TRPM3: variants seen among roughly 807,000 people sequenced by gnomAD.
TRPM3 encodes the protein transient receptor potential cation channel subfamily M member 3, also known as long transient receptor potential channel 3.
A neutral mutation model predicts 181.2 loss-of-function variants in TRPM3; 77 were observed. The ratio of observed to expected loss-of-function variants is 0.42; its 90% CI spans 0.35 to 0.51. The LOEUF is 0.51. Ranked by LOEUF, TRPM3 falls within the 20% of genes least tolerant of loss-of-function variation. The pLI is 0.01. For synonymous variants in TRPM3, 745 were observed against 796.4 expected (o/e 0.94, Z 1.09); for missense variants, 1,759 against 2,196.7 (o/e 0.80, Z 3.98).
At chr9:71,251,395 C>T (rs2082334129) in intron 1 of TRPM3, among the ~76,000 whole-genome samples, 2 of 152,118 alleles carry the variant, frequency 1.3e-5, no homozygotes, top group African/African-American at 4.8e-5. Flanking sequence ...AGACTAAATG[C>T]TTATATCTTC....
At chr9:70,799,497 A>G (rs2088252514) in intron 6 of TRPM3, among the ~76,000 whole-genome samples, 1 of 152,216 alleles carries the variant, frequency 6.6e-6, no homozygotes, top group Admixed American at 6.5e-5. Flanking sequence ...AATATGGGTG[A>G]CAACACTGTG....
At chr9:71,167,828 T>C (rs2076613140) in intron 1 of TRPM3, among the ~76,000 whole-genome samples, 1 of 152,214 alleles carries the variant, frequency 6.6e-6, no homozygotes, top group Non-Finnish European at 1.5e-5. Flanking sequence ...GCATTCTAGT[T>C]GCATTCTACA....
chr9:70,590,999 C>A, intron 22 of TRPM3, 32 bp downstream of exon 22: 1 of 1,613,942 alleles, frequency 6.2e-7, no homozygotes, highest in Non-Finnish European at 8.5e-7. Flanking sequence ...AAATACCTGA[C>A]TTTGGTGTAT....
At chr9:70,655,858 GGT>G (rs76451095) in intron 9 of TRPM3, among the ~76,000 whole-genome samples, 22,852 of 151,942 alleles carry the variant, frequency 0.15, 2,247 homozygotes, top group East Asian at 0.39. Context: ...GAAAGTCTAA[GGT>G]AGGAAAAAAA....
chr9:70,553,482 A>C (rs1189035059), intron 22 of TRPM3, among the ~76,000 whole-genome samples, 172 bp from the exon 23 acceptor site: 1 of 152,180 alleles, frequency 6.6e-6, no homozygotes, highest in Non-Finnish European at 1.5e-5. Context: ...TGAATATCTC[A>C]AGGGGCTGCT....
intron 1 of TRPM3, among the ~76,000 whole-genome samples, chr9:71,356,759 T>C (rs1165940787): frequency 6.6e-6 from 1 of 152,138 alleles, no homozygotes; most frequent in African/African-American, 2.4e-5. Context: ...TTCTGTTTAT[T>C]ATGCATATCC....
intron 1 of TRPM3, among the ~76,000 whole-genome samples, chr9:70,892,592 A>C (rs2096223527): frequency 6.8e-6 from 1 of 146,392 alleles, no homozygotes; most frequent in Non-Finnish European, 1.5e-5. Flanking sequence ...TCAAGTTTCA[A>C]ATTTACCCGT....
At chr9:71,419,267 T>C (rs2093689687) in intron 1 of TRPM3, among the ~76,000 whole-genome samples, 3 of 151,834 alleles carry the variant, frequency 2.0e-5, no homozygotes, top group Admixed American at 1.3e-4. Context: ...AATATTTGTT[T>C]ATTCTGAAAG....
chr9:70,942,616 A>G (rs2096896763), intron 1 of TRPM3, among the ~76,000 whole-genome samples: 3 of 152,182 alleles, frequency 2.0e-5, no homozygotes. Context: ...CCTATGTAGC[A>G]TATGCTTTCC....
At chr9:71,283,848 C>T (rs1321384976) in intron 1 of TRPM3, among the ~76,000 whole-genome samples, 1 of 152,230 alleles carries the variant, frequency 6.6e-6, no homozygotes, top group African/African-American at 2.4e-5. Flanking sequence ...ATCTAATATA[C>T]CAACATCTAT....
chr9:70,902,002 A>C (rs906218023), intron 1 of TRPM3, among the ~76,000 whole-genome samples: 3 of 152,232 alleles, frequency 2.0e-5, no homozygotes, highest in Non-Finnish European at 4.4e-5. Context: ...CTGTGGCCAC[A>C]CAAGGCAAGC....
chr9:70,751,182 T>C (rs1297545187), intron 8 of TRPM3, among the ~76,000 whole-genome samples: 1 of 151,920 alleles, frequency 6.6e-6, no homozygotes, highest in Non-Finnish European at 1.5e-5. Context: ...AAGAAACTCA[T>C]CTAACATATA....
chr9:70,915,943 A>G (rs2096589941), intron 1 of TRPM3, among the ~76,000 whole-genome samples: 1 of 142,328 alleles, frequency 7.0e-6, no homozygotes, highest in Non-Finnish European at 1.6e-5. Flanking sequence ...AAGGCATTTA[A>G]TAATCAAACT....
At chr9:71,280,957 CAG>C (rs747621221) in intron 1 of TRPM3, among the ~76,000 whole-genome samples, 8 of 152,288 alleles carry the variant, frequency 5.3e-5, no homozygotes, top group Admixed American at 4.6e-4. Flanking sequence ...CTTGACTGTT[CAG>C]ATGTTTTTTG....
In TRPM3 at chr9:70,532,570, C is replaced by T. The variant is rs1335384577; in HGVS notation, c.*3383G>A. 1 of 152,140 alleles carries T rather than the reference C, an allele frequency of 6.6e-6. No homozygotes were observed. The highest frequency in any genetic ancestry group is 2.4e-5 in the African/African-American group (1 of 41,396). The allele number at this position is 152,140 out of a possible 1,614,324, so 9.4% of individuals were successfully genotyped here. The stretch of plus-strand genomic sequence containing the variant: ...CATTCAAATCTATCAAGGAGGGGCC[C>T]TCTAACTATAAATATAAAGTATATT... On this transcript the variant is annotated 3_prime_UTR_variant, in exon 26 of 26. Coordinates refer to ENST00000677713, the MANE Select transcript of TRPM3 (RefSeq NM_001366145.2).
chr9:71,147,644 T>A (rs1237081534), intron 1 of TRPM3, among the ~76,000 whole-genome samples: 1 of 152,210 alleles, frequency 6.6e-6, no homozygotes, highest in Non-Finnish European at 1.5e-5. Flanking sequence ...CTAGTCTGAA[T>A]GGAAATCAGG....
At chr9:71,076,480 G>A (rs1022992048) in intron 1 of TRPM3, among the ~76,000 whole-genome samples, 2 of 152,144 alleles carry the variant, frequency 1.3e-5, no homozygotes, top group African/African-American at 4.8e-5. Context: ...GGGCTGCCAC[G>A]CACCCAGGAA....
At chr9:71,071,346 T>C (rs1201632839) in intron 1 of TRPM3, among the ~76,000 whole-genome samples, 4 of 152,198 alleles carry the variant, frequency 2.6e-5, no homozygotes, top group African/African-American at 9.7e-5. Context: ...TGGGAATCTT[T>C]TGATTACAAA....
At chr9:71,014,852 T>G (rs1652459409) in intron 1 of TRPM3, among the ~76,000 whole-genome samples, 1 of 152,180 alleles carries the variant, frequency 6.6e-6, no homozygotes, top group Admixed American at 6.5e-5. Context: ...AGCTTATATG[T>G]TTTGTCTCAA....
Sources: gnomAD v4.1 joint callset for allele counts (sites outside exome capture counted in the v4.1 genomes callset) on GRCh38, gnomAD v4.1.1 for gene constraint, MANE v1.5 for transcripts, NCBI Gene and HGNC (gene_info 2026-07-23, HGNC 2026-07-21) for gene names.